Variants in TAFA1 observed in about 807,000 individuals in gnomAD.
The protein encoded by TAFA1 is chemokine-like protein TAFA-1.
Under a neutral mutation model 18.5 loss-of-function variants are expected in TAFA1, and 4 were observed. That is an observed-to-expected ratio of 0.22 (90% CI 0.11 to 0.49). The LOEUF (loss-of-function observed/expected upper bound fraction) is 0.49. Among genes scored for constraint, TAFA1 ranks in the 20% least tolerant of loss-of-function variants. The pLI is 0.98. For synonymous variants in TAFA1, 56 were observed against 55.2 expected, an observed-to-expected ratio of 1.01 and a Z score of -0.06; for missense variants, 147 against 169.0, an observed-to-expected ratio of 0.87 and a Z score of 0.72.
chr3:68,225,544 A>G (rs925022081), intron 2 of TAFA1, among the ~76,000 whole-genome samples: 5 of 152,118 alleles, frequency 3.3e-5, no homozygotes, highest in Admixed American at 6.5e-5. Flanking sequence ...CTCTACCACA[A>G]GGTGTGGATA....
intron 3 of TAFA1, among the ~76,000 whole-genome samples, chr3:68,536,388 G>A (rs1366795698): frequency 6.6e-6 from 1 of 152,122 alleles, no homozygotes; most frequent in Non-Finnish European, 1.5e-5. Context: ...TATGTCATTT[G>A]GCTTCTTTGT....
intron 3 of TAFA1, among the ~76,000 whole-genome samples, chr3:68,481,340 A>G (rs1242077769): frequency 6.6e-6 from 1 of 152,188 alleles, no homozygotes; most frequent in Non-Finnish European, 1.5e-5. Context: ...ATAAACAGTG[A>G]GTGTTTTAAT....
At chr3:68,316,646 C>A (rs1182522746) in intron 2 of TAFA1, among the ~76,000 whole-genome samples, 3 of 152,020 alleles carry the variant, frequency 2.0e-5, no homozygotes, top group Non-Finnish European at 4.4e-5. Flanking sequence ...TCATTAGATT[C>A]CAATTTTTAT....
intron 3 of TAFA1, among the ~76,000 whole-genome samples, chr3:68,526,137 G>A (rs2073108835): frequency 6.6e-6 from 1 of 152,104 alleles, no homozygotes; most frequent in African/African-American, 2.4e-5. Context: ...TGGCCTAAGA[G>A]GTTTTGCATG....
chr3:68,314,079 C>G (rs1162704651), intron 2 of TAFA1, among the ~76,000 whole-genome samples: 7 of 151,950 alleles, frequency 4.6e-5, no homozygotes, highest in Non-Finnish European at 4.4e-5. Context: ...TAAGATGGCT[C>G]CCATCGTTCT....
intron 2 of TAFA1, among the ~76,000 whole-genome samples, chr3:68,204,251 T>C (rs965163148): frequency 1.3e-5 from 2 of 151,818 alleles, no homozygotes; most frequent in African/African-American, 4.8e-5. Context: ...TCCAAGCTTC[T>C]AAGATGTGGA....
chr3:68,048,936 T>C (rs902726069), intron 2 of TAFA1, among the ~76,000 whole-genome samples: 2 of 152,196 alleles, frequency 1.3e-5, no homozygotes, highest in African/African-American at 4.8e-5. Context: ...TGTGCAGATA[T>C]CTCTTTGATA....
intron 2 of TAFA1, among the ~76,000 whole-genome samples, chr3:68,360,598 C>A (rs2069451939): frequency 6.6e-6 from 1 of 151,780 alleles, no homozygotes; most frequent in African/African-American, 2.4e-5. Context: ...ACTCAGCAGA[C>A]TGAAAATTTC....
intron 2 of TAFA1, among the ~76,000 whole-genome samples, chr3:68,081,146 C>G (rs2064893419): frequency 1.3e-5 from 2 of 152,292 alleles, no homozygotes; most frequent in South Asian, 2.1e-4. Flanking sequence ...GTTCTCGAGC[C>G]TTGGTTTTCA....
chr3:68,289,804 A>C (rs747263808), intron 2 of TAFA1, among the ~76,000 whole-genome samples: 1 of 152,190 alleles, frequency 6.6e-6, no homozygotes, highest in Non-Finnish European at 1.5e-5. Context: ...AGTAATGGTA[A>C]TGTTATTTAA....
At chr3:68,155,325 A>G (rs532581292) in intron 2 of TAFA1, among the ~76,000 whole-genome samples, 14 of 152,306 alleles carry the variant, frequency 9.2e-5, no homozygotes, top group African/African-American at 2.9e-4. Flanking sequence ...GCCTTAGCAG[A>G]CAGGGATAGC....
At chr3:68,082,011 C>G (rs533707273) in intron 2 of TAFA1, among the ~76,000 whole-genome samples, 2 of 152,190 alleles carry the variant, frequency 1.3e-5, no homozygotes, top group Non-Finnish European at 2.9e-5. Context: ...GATATAATCT[C>G]GTGGTGCGCT....
At chr3:68,394,828 C>T (rs560489100) in intron 2 of TAFA1, among the ~76,000 whole-genome samples, 29 of 152,196 alleles carry the variant, frequency 1.9e-4, no homozygotes, top group South Asian at 1.7e-3. Flanking sequence ...AGATGTAAGT[C>T]CTAAAACCAT....
At chr3:68,400,160 G>T (rs928002579) in intron 2 of TAFA1, among the ~76,000 whole-genome samples, 1 of 152,114 alleles carries the variant, frequency 6.6e-6, no homozygotes, top group African/African-American at 2.4e-5. Context: ...TTGTTCATTT[G>T]CACTGCATCG....
chr3:68,401,921 G>A (rs924007549), intron 2 of TAFA1, among the ~76,000 whole-genome samples: 1 of 152,186 alleles, frequency 6.6e-6, no homozygotes, highest in African/African-American at 2.4e-5. Context: ...AAGAACAGGT[G>A]TCTGCTACAG....
intron 3 of TAFA1, among the ~76,000 whole-genome samples, chr3:68,445,016 C>T (rs749045572): frequency 2.0e-5 from 3 of 151,632 alleles, no homozygotes; most frequent in Non-Finnish European, 2.9e-5. Flanking sequence ...TTGAGTAATT[C>T]AAAAAGAATA....
At chr3:68,388,930 G>A (rs1291392124) in intron 2 of TAFA1, among the ~76,000 whole-genome samples, 1 of 152,174 alleles carries the variant, frequency 6.6e-6, no homozygotes, top group East Asian at 1.9e-4. Context: ...ACAAGATTAA[G>A]TTGTAATTTT....
intron 3 of TAFA1, among the ~76,000 whole-genome samples, chr3:68,505,372 A>G (rs2072729804): frequency 6.6e-6 from 1 of 152,168 alleles, no homozygotes; most frequent in Non-Finnish European, 1.5e-5. Flanking sequence ...ACATTATGCA[A>G]GTTTAAGGGT....
At chr3:68,189,519 G>A (rs2066312394) in intron 2 of TAFA1, among the ~76,000 whole-genome samples, 1 of 151,714 alleles carries the variant, frequency 6.6e-6, no homozygotes, top group Non-Finnish European at 1.5e-5. Context: ...CCATCATCTT[G>A]ATTTCATGGC....
Sources: allele counts gnomAD v4.1 joint callset (sites outside exome capture counted in the v4.1 genomes callset), GRCh38; gene constraint gnomAD v4.1.1; transcripts MANE v1.5; gene names NCBI Gene and HGNC (gene_info 2026-07-23, HGNC 2026-07-21).